The following TTC8 variants were observed in gnomAD, a reference collection of about 807,000 sequenced individuals.
TTC8 encodes the protein tetratricopeptide repeat protein 8.
A neutral mutation model predicts 72.5 loss-of-function variants in TTC8; 47 were observed. That is an observed-to-expected ratio of 0.65 (90% CI 0.51 to 0.83). The LOEUF (loss-of-function observed/expected upper bound fraction) is 0.83. TTC8 is among the 40% of genes least tolerant of loss of function. TTC8 has a pLI of 0.00. For synonymous variants in TTC8, 199 were observed against 221.4 expected, an observed-to-expected ratio of 0.90 and a Z score of 0.90; for missense variants, 611 against 623.2, an observed-to-expected ratio of 0.98 and a Z score of 0.21.
At chr14:88,868,495 A>G (rs530857020) in intron 10 of TTC8, among the ~76,000 whole-genome samples, 1 of 152,340 alleles carries the variant, frequency 6.6e-6, no homozygotes, top group Admixed American at 6.5e-5. Flanking sequence ...TTAATTTTTC[A>G]GTTTCTAGAA....
upstream of TTC8, chr14:88,824,426 C>T (rs1486850509): frequency 2.2e-6 from 1 of 453,072 alleles, no homozygotes; most frequent in Non-Finnish European, 4.0e-6. Context: ...GTGTCTAACT[C>T]ACTACCTTTT....
intron 13 of TTC8, among the ~76,000 whole-genome samples, chr14:88,874,213 T>G (rs866680094): frequency 6.6e-6 from 1 of 152,328 alleles, no homozygotes; most frequent in African/African-American, 2.4e-5. Context: ...TTCATTTTAT[T>G]AAAAATTATA....
intron 9 of TTC8, among the ~76,000 whole-genome samples, chr14:88,859,257 G>A (rs147376324): frequency 0.02 from 3,055 of 152,158 alleles, 102 homozygotes; most frequent in African/African-American, 0.071. Context: ...CAAAGACATG[G>A]AATTAACCTA....
At chr14:88,867,098 C>A (rs1350710100) in intron 10 of TTC8, among the ~76,000 whole-genome samples, 2 of 152,012 alleles carry the variant, frequency 1.3e-5, no homozygotes, top group African/African-American at 2.4e-5. Context: ...GAAACAAGCT[C>A]CATGTATGAA....
At chr14:88,840,306 T>C (rs1416207643) in intron 3 of TTC8, 1 of 158,006 alleles carries the variant, frequency 6.3e-6, no homozygotes, top group Non-Finnish European at 1.4e-5. Flanking sequence ...TATGGTGGTC[T>C]TGCTGGTAAT....
chr14:88,875,829 G>A (rs2094955041), intron 14 of TTC8, among the ~76,000 whole-genome samples: 1 of 152,154 alleles, frequency 6.6e-6, no homozygotes. Context: ...TGTCATTCAT[G>A]AGTTGTAATT....
At chr14:88,824,454 T>C, upstream of TTC8, 1 of 510,326 alleles carries the variant, frequency 2.0e-6, no homozygotes, top group Non-Finnish European at 3.5e-6. Context: ...CCGCGGTGCC[T>C]TCTTTTCAAA....
At chr14:88,846,589 T>C (rs769278536) in intron 7 of TTC8, 5 of 1,398,738 alleles carry the variant, frequency 3.6e-6, no homozygotes, top group Non-Finnish European at 4.9e-6. Context: ...CAATGTTTTT[T>C]ATTAATAGAT....
chr14:88,826,564 C>T (rs904602212), intron 1 of TTC8, among the ~76,000 whole-genome samples: 3 of 151,838 alleles, frequency 2.0e-5, no homozygotes, highest in African/African-American at 7.2e-5. Flanking sequence ...ATTAGCCGGG[C>T]GTGTTGGCGG....
chr14:88,848,192 A>T (rs1383955993), intron 7 of TTC8, among the ~76,000 whole-genome samples: 2 of 151,468 alleles, frequency 1.3e-5, no homozygotes, highest in Non-Finnish European at 2.9e-5. Flanking sequence ...AATAGAAATG[A>T]CCCCAAAACA....
At chr14:88,831,407 C>T (rs2140957327) in intron 1 of TTC8, among the ~76,000 whole-genome samples, 1 of 152,312 alleles carries the variant, frequency 6.6e-6, no homozygotes. Flanking sequence ...ATTCTGGCTA[C>T]ACTGCCTATG....
intron 2 of TTC8, among the ~76,000 whole-genome samples, chr14:88,837,881 T>G (rs868174993): frequency 4.0e-5 from 6 of 151,426 alleles, no homozygotes; most frequent in African/African-American, 1.5e-4. Context: ...ATAGGAATTG[T>G]TTTTTTTTAA....
In TTC8 at chr14:88,871,151, C is replaced by T. The variant is rs531241907; in HGVS notation, c.1050-398C>T. 2.0e-3 allele frequency among the ~76,000 whole-genome samples: 302 copies of T among 152,300 alleles called. 5 individuals are homozygous for T. In the South Asian group the frequency reaches 0.031, roughly 15 times the overall value. On this transcript the variant is annotated intron_variant, in intron 11 of 14. Coordinates refer to ENST00000380656, the MANE Select transcript of TTC8 (RefSeq NM_144596.4). This position sits in a 1 kb window ranked among gnomAD's most constrained non-coding sequence, Gnocchi z 4.1. ...AAAACGGGATCCAGTCAGCTGAAAA[C>T]GTAGAGGTTAATGCTAAACGCAGTC...
rs375953841 is a variant in TTC8, at chr14:88,872,473, A to T, written c.1347+21A>T. ...AACAGGTCAGTGAACTGGCAGCGGC[A>T]TGCTGGGCAGTCTGCTTTCTTCAGA... On this transcript the variant is annotated intron_variant, in intron 13 of 14. Transcript: ENST00000380656. 37 of 1,612,812 alleles carry T rather than the reference A, an allele frequency of 2.3e-5. 1 individual carries two copies. Among genetic ancestry groups the T allele is most frequent in the Non-Finnish European group, 3.1e-5 (36 of 1,179,520 alleles).
At chr14:88,860,578 T>G (rs1230566311) in intron 9 of TTC8, among the ~76,000 whole-genome samples, 3 of 152,188 alleles carry the variant, frequency 2.0e-5, no homozygotes, top group Non-Finnish European at 4.4e-5. Context: ...CCTAATTGGT[T>G]TCTTAATGCC....
rs1001578692 is a variant in TTC8, at chr14:88,857,397, A to T, written c.798+120A>T. On this transcript the variant is annotated intron_variant, in intron 9 of 14. Coordinates refer to ENST00000380656, the MANE Select transcript of TTC8 (RefSeq NM_144596.4). ...ATATTTGGCAAGTTACTATGTTTAG[A>T]TTTAACTTGTTTTTCTTTACAGCAA... 5 of 886,006 alleles carry T rather than the reference A, an allele frequency of 5.6e-6. No individual in the cohort carries two copies. In the African/African-American group the frequency reaches 8.3e-5, roughly 15 times the overall value. The allele number at this position is 886,006 out of a possible 1,614,324, so 54.9% of individuals were successfully genotyped here. A position where few individuals can be genotyped will look rare whatever the true frequency, so the allele number is the denominator to read the frequency against.
At chr14:88,824,320 T>C, upstream of TTC8, 1 of 214,630 alleles carries the variant, frequency 4.7e-6, no homozygotes, top group South Asian at 7.0e-5. Context: ...CAGACAGAGA[T>C]CAACTCCAGG....
At chr14:88,879,650 AC>A (rs2094967543), downstream of TTC8, 1 of 119,146 alleles carries the variant, frequency 8.4e-6, no homozygotes, top group African/African-American at 3.1e-5. Context: ...ACGTGTCACT[AC>A]ATTATTATTA....
chr14:88,841,779 G>A lies in TTC8; in HGVS notation c.579+265G>A, dbSNP rs554941971. 7.9e-5 allele frequency among the ~76,000 whole-genome samples: 12 copies of A among 152,266 alleles called. No individual in the cohort carries two copies. The South Asian group carries it at 2.3e-3, about 29-fold the overall frequency. On this transcript the variant is annotated intron_variant, in intron 6 of 14. Transcript: ENST00000380656. ...TTGTAACAAAGAAAGCAGGTATGCA[G>A]CATCATCTTTGTAGAATGAAGCTTA...
Sources: gnomAD v4.1 joint callset for allele counts (sites outside exome capture counted in the v4.1 genomes callset) on GRCh38, gnomAD v4.1.1 for gene constraint, Gnocchi (gnomAD v3.1) non-coding constraint, MANE v1.5 for transcripts, NCBI Gene and HGNC (gene_info 2026-07-23, HGNC 2026-07-21) for gene names.